The following DLG2 variants were observed in gnomAD, a reference collection of about 807,000 sequenced individuals.
DLG2 encodes discs large MAGUK scaffold protein 2.
DLG2 carries 45 observed loss-of-function variants against 132.5 expected under a neutral mutation model. The ratio of observed to expected loss-of-function variants is 0.34; its 90% CI spans 0.27 to 0.44. DLG2 has a LOEUF of 0.44. Ranked by LOEUF, DLG2 falls within the 20% of genes least tolerant of loss-of-function variation. DLG2 has a pLI of 1.00. For missense variants in DLG2, 1,045 were observed against 1,196.9 expected (o/e 0.87, Z 1.87); for synonymous variants, 424 against 419.6 (o/e 1.01, Z -0.13).
At chr11:83,774,089 C>T (rs1438012648) in intron 18 of DLG2, among the ~76,000 whole-genome samples, 2 of 152,164 alleles carry the variant, frequency 1.3e-5, no homozygotes, top group Non-Finnish European at 2.9e-5. Context: ...CCTACACTCC[C>T]CATCCCTGCT....
chr11:83,513,125 T>C (rs906519745), intron 21 of DLG2, among the ~76,000 whole-genome samples: 1 of 152,240 alleles, frequency 6.6e-6, no homozygotes, highest in African/African-American at 2.4e-5. Flanking sequence ...TCCACAATGG[T>C]TGAACCAGTT....
chr11:84,933,295 T>C (rs1184745952), intron 6 of DLG2, among the ~76,000 whole-genome samples: 1 of 152,174 alleles, frequency 6.6e-6, no homozygotes, highest in African/African-American at 2.4e-5. Context: ...TTAAGTCAAA[T>C]AGTGAGTTGC....
intron 6 of DLG2, among the ~76,000 whole-genome samples, chr11:84,776,371 G>T (rs2153898195): frequency 6.6e-6 from 1 of 152,184 alleles, no homozygotes; most frequent in African/African-American, 2.4e-5. Flanking sequence ...TGCCCAGGCT[G>T]GTCTTGAACT....
chr11:84,224,513 G>C (rs2096962303), intron 8 of DLG2, among the ~76,000 whole-genome samples: 1 of 152,186 alleles, frequency 6.6e-6, no homozygotes, highest in Non-Finnish European at 1.5e-5. Context: ...TCATGATAAT[G>C]ACAGCTAAGA....
chr11:83,718,532 G>GAAAAAAAA (rs57237354), intron 18 of DLG2, among the ~76,000 whole-genome samples: 47 of 106,282 alleles, frequency 4.4e-4, no homozygotes, highest in African/African-American at 9.1e-4. Flanking sequence ...CTCAAAAAAA[G>GAAAAAAAA]AAAAAAAAAA....
intron 3 of DLG2, among the ~76,000 whole-genome samples, chr11:85,396,171 G>A (rs1033400594): frequency 3.9e-5 from 6 of 152,198 alleles, no homozygotes; most frequent in Admixed American, 3.3e-4. Flanking sequence ...CAGACCTGCA[G>A]CTGAGGGGTC....
intron 2 of DLG2, among the ~76,000 whole-genome samples, chr11:85,607,232 T>C (rs2153259581): frequency 6.6e-6 from 1 of 152,312 alleles, no homozygotes; most frequent in East Asian, 1.9e-4. Flanking sequence ...GTGTCAGGCT[T>C]TCTGGGAAAG....
intron 3 of DLG2, among the ~76,000 whole-genome samples, chr11:85,361,278 C>T (rs1214680197): frequency 6.6e-6 from 1 of 151,750 alleles, no homozygotes; most frequent in African/African-American, 2.4e-5. Context: ...GCCTCAGCCT[C>T]CCGAGTAGCT....
intron 7 of DLG2, among the ~76,000 whole-genome samples, chr11:84,499,851 A>G (rs1044107446): frequency 7.2e-5 from 11 of 152,160 alleles, no homozygotes; most frequent in Non-Finnish European, 1.3e-4. Context: ...CATAGGAGGT[A>G]AGATTGTAGA....
intron 6 of DLG2, among the ~76,000 whole-genome samples, chr11:85,019,570 C>T (rs1379874949): frequency 6.6e-5 from 10 of 152,028 alleles, no homozygotes; most frequent in African/African-American, 1.7e-4. Context: ...GCTGCACCCA[C>T]TAACTCGTCA....
At chr11:84,402,832 A>G (rs1238253096) in intron 7 of DLG2, among the ~76,000 whole-genome samples, 1 of 144,358 alleles carries the variant, frequency 6.9e-6, no homozygotes, top group African/African-American at 2.7e-5. Flanking sequence ...CAGTGAGCCA[A>G]GGTCGTGCCA....
chr11:84,850,141 C>A (rs2082004883), intron 6 of DLG2, among the ~76,000 whole-genome samples: 2 of 152,056 alleles, frequency 1.3e-5, no homozygotes, highest in African/African-American at 4.8e-5. Flanking sequence ...ATTCTATCTG[C>A]CACACACTAA....
chr11:85,511,206 A>T (rs1295284939), intron 3 of DLG2, among the ~76,000 whole-genome samples: 1 of 151,948 alleles, frequency 6.6e-6, no homozygotes, highest in Non-Finnish European at 1.5e-5. Context: ...GGAACATCAC[A>T]CACCGGGGCC....
chr11:84,813,862 C>A (rs567514535), intron 6 of DLG2, among the ~76,000 whole-genome samples: 2 of 152,148 alleles, frequency 1.3e-5, no homozygotes, highest in South Asian at 4.1e-4. Flanking sequence ...AATTTCCCCC[C>A]TCCCTCTACA....
At position 84,670,256 on chromosome 11, in the gene DLG2, G is replaced by A. The variant is rs73513130; in HGVS notation, c.358-135525C>T. Among the ~76,000 whole-genome samples the A allele has an allele frequency of 5.1e-3, 770 of 152,132 alleles. 9 individuals are homozygous for A. The highest frequency in any genetic ancestry group is 0.018 in the African/African-American group (742 of 41,486). ...CATTAACAAAATGTCCATATTCTCAGAGAGGTTTGTGAACTCTCAGAGGGC... is the reference window on the plus strand; with the variant it reads ...CATTAACAAAATGTCCATATTCTCAAAGAGGTTTGTGAACTCTCAGAGGGC... On this transcript the variant is annotated intron_variant, in intron 6 of 27. Coordinates refer to ENST00000376104, the MANE Select transcript of DLG2 (RefSeq NM_001142699.3).
At chr11:84,376,698 A>G (rs570025889) in intron 7 of DLG2, among the ~76,000 whole-genome samples, 147 of 151,670 alleles carry the variant, frequency 9.7e-4, no homozygotes, top group Non-Finnish European at 1.8e-3. Flanking sequence ...AAAGCCAAAA[A>G]CCTAATGGAA....
intron 4 of DLG2, among the ~76,000 whole-genome samples, chr11:85,220,693 C>T (rs1298248450): frequency 2.0e-5 from 3 of 150,520 alleles, no homozygotes; most frequent in Non-Finnish European, 3.0e-5. Flanking sequence ...GCTCATTAAA[C>T]ATTAAAATTC....
At chr11:84,197,420 T>A (rs954137194) in intron 8 of DLG2, among the ~76,000 whole-genome samples, 5 of 152,316 alleles carry the variant, frequency 3.3e-5, no homozygotes, top group Admixed American at 2.0e-4. Flanking sequence ...TAGCCATTTT[T>A]AAAATTTGTT....
In DLG2 at chr11:84,708,407, C is replaced by T. The variant is rs76563361; in HGVS notation, c.358-173676G>A. Among the ~76,000 whole-genome samples, 9 of 151,970 alleles carry T rather than the reference C, an allele frequency of 5.9e-5. No homozygotes were observed. In the East Asian group the frequency reaches 1.2e-3, roughly 20 times the overall value. ...TACACAGCAAGCAAATACACAATCC[C>T]CATTTTTAGTCTCTTAAACCTTATG... is the stretch of plus-strand genomic sequence containing the variant. On this transcript the variant is annotated intron_variant, in intron 6 of 27. Transcript: ENST00000376104.
Sources: allele counts gnomAD v4.1 joint callset (sites outside exome capture counted in the v4.1 genomes callset), GRCh38; gene constraint gnomAD v4.1.1; transcripts MANE v1.5; gene names NCBI Gene and HGNC (gene_info 2026-07-23, HGNC 2026-07-21).